Variants in CSMD1 observed in about 807,000 individuals in gnomAD.
CSMD1 encodes CUB and sushi domain-containing protein 1.
In CSMD1, 213 loss-of-function variants were observed where a neutral mutation model predicts 417.5. That is an observed-to-expected ratio of 0.51 (90% confidence interval 0.46 to 0.57). The LOEUF (loss-of-function observed/expected upper bound fraction) is 0.57, where lower values mean the gene tolerates loss of function less well. Among genes scored for constraint, CSMD1 ranks in the 20% least tolerant of loss-of-function variants. The probability of loss-of-function intolerance (pLI) is 0.00; values close to 1 mark genes in which losing one functional copy is unlikely to be tolerated. For synonymous variants in CSMD1, 2,862 were observed against 1,736.8 expected, an observed-to-expected ratio of 1.65 and a Z score of -16.11; for missense variants, 6,923 against 4,529.7, an observed-to-expected ratio of 1.53 and a Z score of -15.17.
intron 3 of CSMD1, among the ~76,000 whole-genome samples, chr8:4,168,526 T>C (rs1198391218): frequency 6.6e-6 from 1 of 151,958 alleles, no homozygotes; most frequent in African/African-American, 2.4e-5. Flanking sequence ...TAAAATAAGT[T>C]ACAGACACAG....
Position 4,662,133 on chromosome 8 carries a change from G to A in CSMD1, c.86-24575C>T, listed in dbSNP as rs985196253. 9.2e-5 allele frequency among the ~76,000 whole-genome samples: 14 copies of A among 152,204 alleles called. No homozygotes were observed. The East Asian group carries it at 2.1e-3, about 23-fold the overall frequency. The stretch of plus-strand genomic sequence containing the variant: ...ACTTTTTCTTTTCTAATAGATTGCA[G>A]TACAATATATAAATTTCAAAGGAAA... On this transcript the variant is annotated intron_variant, in intron 1 of 69. Transcript: ENST00000635120.
intron 5 of CSMD1, among the ~76,000 whole-genome samples, chr8:3,914,792 C>T (rs1214356664): frequency 1.3e-5 from 2 of 151,992 alleles, no homozygotes; most frequent in African/African-American, 4.8e-5. Context: ...AATTCCTCAA[C>T]AAAGATTTAT....
At chr8:4,532,465 AC>A (rs1226057471) in intron 2 of CSMD1, among the ~76,000 whole-genome samples, 2 of 142,676 alleles carry the variant, frequency 1.4e-5, no homozygotes, top group Non-Finnish European at 3.0e-5. Context: ...GAAATCCTGC[AC>A]CCCCATTCAC....
chr8:4,814,738 G>A (rs1799108583), intron 1 of CSMD1, among the ~76,000 whole-genome samples: 1 of 152,046 alleles, frequency 6.6e-6, no homozygotes, highest in Non-Finnish European at 1.5e-5. Flanking sequence ...CAGTATTTTT[G>A]TCCTAACATT....
intron 2 of CSMD1, among the ~76,000 whole-genome samples, chr8:4,433,282 C>G (rs1252005913): frequency 6.6e-6 from 1 of 152,092 alleles, no homozygotes; most frequent in African/African-American, 2.4e-5. Context: ...CCTCCCACAC[C>G]CTGGTCCGTA....
At chr8:3,895,701 C>T (rs1394328049) in intron 5 of CSMD1, among the ~76,000 whole-genome samples, 1 of 152,134 alleles carries the variant, frequency 6.6e-6, no homozygotes, top group Admixed American at 6.6e-5. Context: ...TATTTAGTTC[C>T]TAACTTGTCA....
At chr8:4,888,830 T>A (rs1240905083) in intron 1 of CSMD1, among the ~76,000 whole-genome samples, 3 of 152,086 alleles carry the variant, frequency 2.0e-5, no homozygotes, top group Non-Finnish European at 4.4e-5. Context: ...AGACTTCCAA[T>A]AGGCATCTGG....
In CSMD1 at chr8:4,910,673, G is replaced by A. The variant is rs560299006; in HGVS notation, c.85+83659C>T. On this transcript the variant is annotated intron_variant, in intron 1 of 69. Coordinates refer to ENST00000635120, the MANE Select transcript of CSMD1 (RefSeq NM_033225.6). ...TTTTAACATATTAATTTTGAAGGGG[G>A]CACAAACATTCAGTCATAGAAATGT... Among the ~76,000 whole-genome samples the A allele has an allele frequency of 6.2e-4, 95 of 152,226 alleles. 1 individual carries two copies. The highest frequency in any genetic ancestry group is 1.9e-3 in the South Asian group (9 of 4,814).
intron 1 of CSMD1, among the ~76,000 whole-genome samples, chr8:4,643,603 C>A (rs933218486): frequency 2.0e-5 from 3 of 152,120 alleles, no homozygotes; most frequent in Non-Finnish European, 4.4e-5. Flanking sequence ...CTAAGGAGTA[C>A]GACAGACTTC....
In CSMD1 at chr8:3,574,924, G is replaced by A. The variant is rs536587666; in HGVS notation, c.1344+21C>T. 8.1e-5 allele frequency: 130 copies of A among 1,610,652 alleles called. 1 individual carries two copies. The South Asian group carries it at 1.4e-3, about 17-fold the overall frequency. On this transcript the variant is annotated intron_variant, in intron 10 of 69. Transcript: ENST00000635120. ...AGAGTGCTGTGTGCATTAACCACAG[G>A]GGTTGGAGGCGGAGCCTTACCTTGT...
intron 3 of CSMD1, among the ~76,000 whole-genome samples, chr8:4,109,780 G>A (rs74706927): frequency 6.6e-6 from 1 of 152,036 alleles, no homozygotes; most frequent in Non-Finnish European, 1.5e-5. Flanking sequence ...GATTTCTGTG[G>A]TCATTGACTG....
intron 55 of CSMD1, among the ~76,000 whole-genome samples, chr8:2,976,528 T>C (rs1326071776): frequency 2.0e-5 from 3 of 152,170 alleles, no homozygotes; most frequent in Admixed American, 2.0e-4. Context: ...ATTTTATTTT[T>C]TGTAGAGATG....
intron 12 of CSMD1, among the ~76,000 whole-genome samples, chr8:3,447,505 G>A (rs1335714015): frequency 6.6e-6 from 1 of 152,188 alleles, no homozygotes; most frequent in Non-Finnish European, 1.5e-5. Context: ...GGAAGTGCAG[G>A]CAGTGTACTT....
intron 3 of CSMD1, among the ~76,000 whole-genome samples, chr8:4,209,919 T>A (rs560220753): frequency 3.9e-5 from 6 of 152,254 alleles, no homozygotes; most frequent in Non-Finnish European, 8.8e-5. Flanking sequence ...TGGAAAGCGG[T>A]GACCACGTCT....
chr8:3,501,047 T>C (rs1796579415), intron 10 of CSMD1, among the ~76,000 whole-genome samples: 1 of 152,166 alleles, frequency 6.6e-6, no homozygotes, highest in African/African-American at 2.4e-5. Flanking sequence ...AATATTAATT[T>C]ATAAACAAAA....
At chr8:3,468,994 T>C (rs1816935418) in intron 11 of CSMD1, 170 bp from the exon 12 acceptor site, 1 of 466,208 alleles carries the variant, frequency 2.1e-6, no homozygotes. Flanking sequence ...TATTCAAACA[T>C]CACTATCACT....
intron 10 of CSMD1, among the ~76,000 whole-genome samples, chr8:3,536,489 GA>G (rs1798205202): frequency 1.3e-5 from 2 of 152,312 alleles, no homozygotes; most frequent in East Asian, 3.9e-4. Context: ...GATTAATGGG[GA>G]TTATGTTTTT....
chr8:3,866,093 C>T (rs1045602036), intron 5 of CSMD1, among the ~76,000 whole-genome samples: 2 of 152,106 alleles, frequency 1.3e-5, no homozygotes, highest in African/African-American at 2.4e-5. Flanking sequence ...GAGCTTTCTT[C>T]CAAATAAGGA....
intron 1 of CSMD1, among the ~76,000 whole-genome samples, chr8:4,716,321 A>G (rs1808656466): frequency 6.6e-6 from 1 of 152,222 alleles, no homozygotes; most frequent in African/African-American, 2.4e-5. Context: ...CATGTGGCTG[A>G]GGAAATGTCT....
Sources: allele counts gnomAD v4.1 joint callset (sites outside exome capture counted in the v4.1 genomes callset), GRCh38; gene constraint gnomAD v4.1.1; transcripts MANE v1.5; gene names NCBI Gene and HGNC (gene_info 2026-07-23, HGNC 2026-07-21).